Variants in IL22RA1 observed in about 807,000 individuals in gnomAD.
IL22RA1 encodes the protein interleukin 22 receptor subunit alpha 1.
A neutral mutation model predicts 32.8 loss-of-function variants in IL22RA1; 25 were observed. That is an observed-to-expected ratio of 0.76 (90% confidence interval 0.55 to 1.06). The LOEUF (loss-of-function observed/expected upper bound fraction) is 1.06. Among genes scored for constraint, IL22RA1 ranks in the 50% least tolerant of loss-of-function variants. IL22RA1 has a pLI of 0.00. For synonymous variants in IL22RA1, 305 were observed against 305.0 expected, an observed-to-expected ratio of 1.00 and a Z score of 0.00; for missense variants, 709 against 727.4, an observed-to-expected ratio of 0.97 and a Z score of 0.29.
In IL22RA1 at chr1:24,123,288, G is replaced by A; in HGVS notation, c.792+14C>T. ...CCCTGGACCTCTCCCTCCCACCCTG[G>A]GGGGATGGCTCACCAGGGAGTTGGG... On this transcript the variant is annotated intron_variant, in intron 6 of 6. Coordinates refer to ENST00000270800, the MANE Select transcript of IL22RA1 (RefSeq NM_021258.4). The A allele has an allele frequency of 6.2e-7, 1 of 1,612,756 alleles. No homozygotes were observed. Among genetic ancestry groups the A allele is most frequent in the Non-Finnish European group, 8.5e-7 (1 of 1,179,120 alleles).
At chr1:24,129,813 T>C (rs1367934959) in intron 4 of IL22RA1, among the ~76,000 whole-genome samples, 2 of 152,220 alleles carry the variant, frequency 1.3e-5, no homozygotes. Flanking sequence ...TTTTAACTTA[T>C]TGTTTTGTGG....
Position 24,121,686 on chromosome 1 carries a change from C to T in IL22RA1, c.844G>A (p.Val282Ile), listed in dbSNP as rs771280024. Reference protein sequence around the residue: ...FQPLRFIQEHVLIPVFDLSGP... With the variant: ...FQPLRFIQEHILIPVFDLSGP... The stretch of plus-strand genomic sequence containing the variant: ...CTGAGGTCAAAGACAGGGATCAGGA[C>T]GTGCTCCTGGATGAAGCGCAGCGGC... The change falls in exon 7 of 7, where the codon GTC becomes ATC. Residue 282 changes from valine to isoleucine, a missense_variant. Val to Ile is a conservative substitution (Grantham distance 29). Transcript: ENST00000270800. 2.0e-5 allele frequency: 32 copies of T among 1,591,000 alleles called. No homozygotes were observed. The highest frequency in any genetic ancestry group is 1.2e-4 in the Admixed American group (7 of 57,206).
intron 1 of IL22RA1, 90 bp from the exon 2 acceptor site, chr1:24,138,804 A>C: frequency 6.8e-7 from 1 of 1,474,790 alleles, no homozygotes; most frequent in Admixed American, 2.1e-5. Flanking sequence ...CCCCATATAA[A>C]TTTCATGCAA....
chr1:24,137,336 C>A (rs1350215562), intron 2 of IL22RA1, 27 bp from the exon 3 acceptor site: 1 of 1,606,606 alleles, frequency 6.2e-7, no homozygotes. Flanking sequence ...GGCCAAGTCA[C>A]CGTGGTGATG....
intron 5 of IL22RA1, among the ~76,000 whole-genome samples, chr1:24,126,659 A>G (rs2148571099): frequency 6.6e-6 from 1 of 152,318 alleles, no homozygotes; most frequent in East Asian, 1.9e-4. Flanking sequence ...ACTTACTGAC[A>G]TCATGAATCT....
In IL22RA1 at chr1:24,132,334, T is replaced by TG. The variant is rs113627983; in HGVS notation, c.531+1876_531+1877insC. ...TGGGACCATGGTTTTTGTGTGTGTG[T>TG]TTTTTTTTTTTTTTTGAGATGGAGT... is the stretch of plus-strand genomic sequence containing the variant. On this transcript the variant is annotated intron_variant, in intron 4 of 6. Coordinates refer to ENST00000270800, the MANE Select transcript of IL22RA1 (RefSeq NM_021258.4). 4.6e-3 allele frequency among the ~76,000 whole-genome samples: 418 copies of TG among 91,682 alleles called. 2 individuals carry two copies. The highest frequency in any genetic ancestry group is 9.8e-3 in the African/African-American group (189 of 19,346). 60.1% of individuals were successfully genotyped at this position (91,682 alleles called of 152,430 possible).
chr1:24,128,150 T>C lies in IL22RA1; in HGVS notation c.661A>G (p.Thr221Ala). Reference protein sequence around the residue: ...ESAPYMCRVKTLPDRTWTYSF... With the variant: ...ESAPYMCRVKALPDRTWTYSF... ...TTTCAGCCGAACTCACCTGGCAGTG[T>C]CTTCACTCGGCACATGTAGGGGGCA... Residue 221 changes from threonine (T) to alanine (A), a missense_variant, in exon 5 of 7, where the codon ACA (threonine) becomes GCA (alanine). Thr to Ala is a moderately conservative substitution (Grantham distance 58). Transcript: ENST00000270800. The C allele has an allele frequency of 1.9e-6, 3 of 1,541,044 alleles. No homozygotes were observed. Among genetic ancestry groups the C allele is most frequent in the Non-Finnish European group, 2.6e-6 (3 of 1,141,628 alleles).
At chr1:24,141,066 TC>T (rs1373831182) in intron 1 of IL22RA1, among the ~76,000 whole-genome samples, 1 of 152,198 alleles carries the variant, frequency 6.6e-6, no homozygotes, top group Non-Finnish European at 1.5e-5. Flanking sequence ...AAGGCTGCCC[TC>T]CTCTCTGAAT....
chr1:24,133,837 G>A (rs1483335063), intron 4 of IL22RA1, among the ~76,000 whole-genome samples: 1 of 152,104 alleles, frequency 6.6e-6, no homozygotes, highest in East Asian at 1.9e-4. Context: ...GTTAATGGGT[G>A]CAGCACACCA....
rs1254792654 is a variant in IL22RA1, at chr1:24,126,882, A to G, written c.670+1259T>C. On this transcript the variant is annotated intron_variant, in intron 5 of 6. Transcript: ENST00000270800. ...CTCACTGAGCAGATGATTCAAAACT[A>G]TATCTAGGCTGGGCGTGATGGCTCA... Among the ~76,000 whole-genome samples, 4 of 152,086 alleles carry G rather than the reference A, an allele frequency of 2.6e-5. No homozygotes were observed. The East Asian group carries it at 5.8e-4, about 22-fold the overall frequency.
chr1:24,131,746 A>G (rs1644205915), intron 4 of IL22RA1, among the ~76,000 whole-genome samples: 1 of 152,242 alleles, frequency 6.6e-6, no homozygotes, highest in Non-Finnish European at 1.5e-5. Flanking sequence ...AGATCTGAAT[A>G]ACACAATTAA....
rs778024942 is a variant in IL22RA1, at chr1:24,138,581, C to T, written c.176+1G>A. The T allele has an allele frequency of 6.2e-6, 10 of 1,614,094 alleles. No homozygotes were observed. The highest frequency in any genetic ancestry group is 1.7e-5 in the Admixed American group (1 of 60,018). On this transcript the variant is annotated splice_donor_variant, in intron 2 of 6. Coordinates refer to ENST00000270800, the MANE Select transcript of IL22RA1 (RefSeq NM_021258.4). LOFTEE classifies it high-confidence loss of function. ...GAGGTGGGGTCAAGAGAGAAGCCTA[C>T]GTCTTATACTCGATGCTGTAGACCG...
intron 4 of IL22RA1, among the ~76,000 whole-genome samples, chr1:24,130,749 G>C (rs568921032): frequency 6.6e-6 from 1 of 152,208 alleles, no homozygotes; most frequent in South Asian, 2.1e-4. Flanking sequence ...CTGTCACCCA[G>C]GTTGGAGTGC....
chr1:24,134,512 C>T, intron 3 of IL22RA1, 126 bp from the exon 4 acceptor site: 1 of 623,814 alleles, frequency 1.6e-6, no homozygotes, highest in Non-Finnish European at 2.4e-6. Context: ...AGCTATGCTT[C>T]TGAAAGCAAC....
intron 4 of IL22RA1, among the ~76,000 whole-genome samples, chr1:24,130,757 T>C (rs1252535948): frequency 6.6e-6 from 1 of 152,236 alleles, no homozygotes; most frequent in African/African-American, 2.4e-5. Context: ...CAGGTTGGAG[T>C]GCAGTGGTGC....
chr1:24,126,300 T>C (rs1382511700), intron 5 of IL22RA1, among the ~76,000 whole-genome samples: 1 of 152,246 alleles, frequency 6.6e-6, no homozygotes, highest in East Asian at 1.9e-4. Flanking sequence ...TGCCAATTGG[T>C]GCACTGGGAT....
chr1:24,134,348 C>T lies in IL22RA1; in HGVS notation c.394G>A (p.Val132Met), dbSNP rs748550168. The T allele has an allele frequency of 6.3e-7, 1 of 1,581,960 alleles. No homozygotes were observed. Among genetic ancestry groups the T allele is most frequent in the Non-Finnish European group, 8.6e-7 (1 of 1,162,572 alleles). ...KPPDVTCISK[V>M]RSIQMIVHPT... is the part of the protein sequence containing the mutation. ...TGAACAATCATCTGAATCGATCTCACTTTGGAGATACAGGTCACATCAGGT... is the reference window on the plus strand; with the variant it reads ...TGAACAATCATCTGAATCGATCTCATTTTGGAGATACAGGTCACATCAGGT... The change falls in exon 4 of 7, where the codon GTG becomes ATG. Residue 132 changes from valine (V) to methionine (M), a missense_variant. Physicochemically the swap from Val to Met is conservative, Grantham distance 21 (BLOSUM62 1). Transcript: ENST00000270800.
chr1:24,128,532 T>TATAC (rs748253442), intron 4 of IL22RA1, among the ~76,000 whole-genome samples: 23 of 145,822 alleles, frequency 1.6e-4, no homozygotes, highest in Middle Eastern at 3.5e-3. Flanking sequence ...GTTATATACA[T>TATAC]ATATATATAT....
rs1557633484 is a variant in IL22RA1 at position 24,143,132 on chromosome 1, G to C, written c.-50C>G. ...TGGCCTCTACTCTGCCGTGCACAGA[G>C]AGAGGGCTGGGAGTCTTGGCGCCCT... On this transcript the variant is annotated 5_prime_UTR_variant, in exon 1 of 7. Transcript: ENST00000270800. 6.6e-7 allele frequency: 1 copy of C among 1,515,010 alleles called. No homozygotes were observed. The highest frequency in any genetic ancestry group is 9.0e-7 in the Non-Finnish European group (1 of 1,114,676). 93.8% of individuals were successfully genotyped at this position (1,515,010 alleles called of 1,614,324 possible).
Sources: gnomAD v4.1 joint callset for allele counts (sites outside exome capture counted in the v4.1 genomes callset) on GRCh38, gnomAD v4.1.1 for gene constraint, MANE v1.5 for transcripts, NCBI Gene and HGNC (gene_info 2026-07-23, HGNC 2026-07-21) for gene names.